Variants in SMCO4 observed in about 807,000 individuals in gnomAD.
SMCO4 encodes single-pass membrane protein with coiled-coil domains 4.
In SMCO4, 4 loss-of-function variants were observed where a neutral mutation model predicts 3.6. The ratio of observed to expected loss-of-function variants is 1.11; its 90% CI spans 0.54 to 2.53. The LOEUF (loss-of-function observed/expected upper bound fraction) is 2.53, where lower values mean the gene tolerates loss of function less well. Among genes scored for constraint, SMCO4 ranks in the 30% most tolerant of loss-of-function variants. SMCO4 has a pLI of 0.02. For missense variants in SMCO4, 70 were observed against 80.8 expected, an observed-to-expected ratio of 0.87 and a Z score of 0.51; for synonymous variants, 36 against 35.3, an observed-to-expected ratio of 1.02 and a Z score of -0.07.
intron 2 of SMCO4, among the ~76,000 whole-genome samples, chr11:93,492,941 C>A (rs1948735291): frequency 6.6e-6 from 1 of 152,198 alleles, no homozygotes; most frequent in Admixed American, 6.5e-5. Context: ...CAAATATTTA[C>A]ATAGCGGTGT....
chr11:93,498,676 C>A (rs774235222), intron 2 of SMCO4, among the ~76,000 whole-genome samples: 13 of 152,158 alleles, frequency 8.5e-5, no homozygotes, highest in South Asian at 2.1e-4. Context: ...GGACACCTGG[C>A]GAAGATCAGG....
intron 1 of SMCO4, among the ~76,000 whole-genome samples, chr11:93,512,408 G>A (rs1238821882): frequency 6.6e-6 from 1 of 152,180 alleles, no homozygotes; most frequent in African/African-American, 2.4e-5. Context: ...CATAAAGAGT[G>A]TACAATGATG....
chr11:93,535,660 AAG>A, intron 1 of SMCO4: 1 of 1,607,904 alleles, frequency 6.2e-7, no homozygotes, highest in Non-Finnish European at 8.5e-7. Context: ...CGATGGGAAA[AAG>A]AAGATCAGCA....
intron 1 of SMCO4, among the ~76,000 whole-genome samples, chr11:93,538,145 C>T (rs933032896): frequency 2.6e-5 from 4 of 152,218 alleles, no homozygotes; most frequent in African/African-American, 9.6e-5. Flanking sequence ...GACATGCAGA[C>T]CCCAGCCAAT....
intron 1 of SMCO4, among the ~76,000 whole-genome samples, chr11:93,507,819 T>C (rs1948922116): frequency 2.0e-5 from 3 of 152,210 alleles, no homozygotes; most frequent in Non-Finnish European, 4.4e-5. Flanking sequence ...ATTTTCTCCA[T>C]ATAGTTCAAC....
At chr11:93,516,741 G>C (rs760835606) in intron 1 of SMCO4, among the ~76,000 whole-genome samples, 16 of 151,880 alleles carry the variant, frequency 1.1e-4, no homozygotes, top group Non-Finnish European at 1.6e-4. Context: ...TGTGAGCCGA[G>C]ATCGTGCCAT....
At chr11:93,527,692 C>G (rs1949121643) in intron 1 of SMCO4, among the ~76,000 whole-genome samples, 1 of 152,122 alleles carries the variant, frequency 6.6e-6, no homozygotes, top group African/African-American at 2.4e-5. Context: ...AACTCCTAGG[C>G]TCAAGTGATC....
At chr11:93,541,227 T>C (rs1331195854) in intron 1 of SMCO4, among the ~76,000 whole-genome samples, 1 of 152,186 alleles carries the variant, frequency 6.6e-6, no homozygotes, top group Non-Finnish European at 1.5e-5. Context: ...ACCAGGAAGC[T>C]CTAGTGAGAA....
chr11:93,514,277 TG>T (rs967292955), intron 1 of SMCO4, among the ~76,000 whole-genome samples: 64 of 151,194 alleles, frequency 4.2e-4, no homozygotes, highest in Middle Eastern at 6.8e-3. Context: ...AACTCTGGAA[TG>T]GGCAATTGGC....
At chr11:93,510,531 C>T (rs1948947363) in intron 1 of SMCO4, among the ~76,000 whole-genome samples, 1 of 152,172 alleles carries the variant, frequency 6.6e-6, no homozygotes, top group Non-Finnish European at 1.5e-5. Flanking sequence ...ACACAATCTC[C>T]CAATTGTCGA....
rs1948586778 is a variant in SMCO4 at position 93,481,041 on chromosome 11, A to AG, written c.-80-1773dup. ...TTCCTTCATGAAATAAGGAACAGAG[A>AG]GAAAAAAAAAAACACCTACTATTAC... On this transcript the variant is annotated intron_variant, in intron 2 of 2. Transcript: ENST00000298966. 3.7e-5 allele frequency among the ~76,000 whole-genome samples: 3 copies of AG among 80,286 alleles called. No individual in the cohort carries two copies. In the Admixed American group the frequency reaches 4.6e-4, roughly 12 times the overall value. 52.7% of individuals were successfully genotyped at this position (80,286 alleles called of 152,430 possible).
Position 93,535,791 on chromosome 11 carries a change from A to G in SMCO4, c.-154+7485T>C. The stretch of plus-strand genomic sequence containing the variant: ...AGAACAAAACTAAGAAGACCAAAGC[A>G]GCAGCAGCAGCAGCAACAGCAGCAC... On this transcript the variant is annotated intron_variant, in intron 1 of 2. Transcript: ENST00000298966. The G allele has an allele frequency of 2.5e-6, 4 of 1,613,542 alleles. No individual in the cohort carries two copies. In the South Asian group the frequency reaches 4.4e-5, roughly 18 times the overall value.
intron 1 of SMCO4, among the ~76,000 whole-genome samples, chr11:93,540,658 C>T (rs1949264055): frequency 6.6e-6 from 1 of 152,104 alleles, no homozygotes; most frequent in Admixed American, 6.5e-5. Context: ...AGAGTCGTGC[C>T]ATCTCTTGGC....
chr11:93,485,705 G>C (rs926315365), intron 2 of SMCO4, among the ~76,000 whole-genome samples: 1 of 152,182 alleles, frequency 6.6e-6, no homozygotes, highest in African/African-American at 2.4e-5. Context: ...ACATCTGCTG[G>C]ACTGAATATC....
At chr11:93,545,229 C>G (rs1949306166), upstream of SMCO4, among the ~76,000 whole-genome samples, 1 of 152,150 alleles carries the variant, frequency 6.6e-6, no homozygotes, top group Non-Finnish European at 1.5e-5. Context: ...AGGACTCAGT[C>G]CCTTAATAAG....
At chr11:93,538,264 T>C (rs1949244717) in intron 1 of SMCO4, among the ~76,000 whole-genome samples, 1 of 152,192 alleles carries the variant, frequency 6.6e-6, no homozygotes, top group Non-Finnish European at 1.5e-5. Flanking sequence ...CTGGCCATTA[T>C]GTTCACTGCC....
intron 2 of SMCO4, among the ~76,000 whole-genome samples, chr11:93,480,975 A>T (rs1230652886): frequency 1.3e-5 from 2 of 152,216 alleles, no homozygotes; most frequent in Non-Finnish European, 2.9e-5. Context: ...ATTAAGGTTC[A>T]GCAAATATTA....
At chr11:93,524,787 C>T (rs1367541544) in intron 1 of SMCO4, among the ~76,000 whole-genome samples, 7 of 152,166 alleles carry the variant, frequency 4.6e-5, no homozygotes, top group Non-Finnish European at 8.8e-5. Context: ...CCAATGCGTT[C>T]CCCACCTATG....
chr11:93,501,085 T>C (rs745511114), intron 1 of SMCO4, among the ~76,000 whole-genome samples: 2 of 152,310 alleles, frequency 1.3e-5, no homozygotes, highest in Admixed American at 6.5e-5. Context: ...CCCAGACCTA[T>C]AGCACTTTCT....
Sources: allele counts gnomAD v4.1 joint callset (sites outside exome capture counted in the v4.1 genomes callset), GRCh38; gene constraint gnomAD v4.1.1; transcripts MANE v1.5; gene names NCBI Gene and HGNC (gene_info 2026-07-23, HGNC 2026-07-21).